Variants in MYO5B observed in about 807,000 individuals in gnomAD.
MYO5B encodes unconventional myosin-Vb.
Under a neutral mutation model 229.3 loss-of-function variants are expected in MYO5B, and 143 were observed. The ratio of observed to expected loss-of-function variants is 0.62; its 90% CI spans 0.54 to 0.72. The LOEUF is 0.72. Ranked by LOEUF, MYO5B falls within the 30% of genes least tolerant of loss-of-function variation. The pLI, the probability that MYO5B is intolerant of heterozygous loss-of-function variation, is 0.00. For synonymous variants in MYO5B, 918 were observed against 885.2 expected, an observed-to-expected ratio of 1.04 and a Z score of -0.66; for missense variants, 2,321 against 2,331.0, an observed-to-expected ratio of 1.00 and a Z score of 0.09.
At position 49,904,136 on chromosome 18, in the gene MYO5B, T is replaced by G. The variant is rs2024873615; in HGVS notation, c.2571+536A>C. Reference sequence around the variant, plus strand: ...TGCTGGGCCCCTTCAAAACTCATGTTGAAATCTGATCCCCTATGTTGGAGA... The same window carrying G: ...TGCTGGGCCCCTTCAAAACTCATGTGGAAATCTGATCCCCTATGTTGGAGA... On this transcript the variant is annotated intron_variant, in intron 20 of 39. Transcript: ENST00000285039. Among the ~76,000 whole-genome samples, 3 of 152,232 alleles carry G rather than the reference T, an allele frequency of 2.0e-5. No individual in the cohort carries two copies. In the South Asian group the frequency reaches 6.2e-4, roughly 32 times the overall value.
intron 14 of MYO5B, among the ~76,000 whole-genome samples, chr18:49,951,467 A>G (rs1321512071): frequency 6.6e-6 from 1 of 152,130 alleles, no homozygotes; most frequent in Non-Finnish European, 1.5e-5. Context: ...GGTTACCACT[A>G]TATACTACAC....
chr18:50,090,282 G>C (rs1379433989), intron 1 of MYO5B, among the ~76,000 whole-genome samples: 1 of 148,698 alleles, frequency 6.7e-6, no homozygotes, highest in African/African-American at 2.5e-5. Flanking sequence ...GGTTGAGGTT[G>C]CAGTGAACCA....
intron 29 of MYO5B, among the ~76,000 whole-genome samples, chr18:49,858,642 A>G (rs1395197739): frequency 6.6e-6 from 1 of 152,234 alleles, no homozygotes; most frequent in Admixed American, 6.5e-5. Flanking sequence ...GACTCACACA[A>G]GGAAGTTAGG....
At chr18:49,963,421 T>C (rs1345627332) in intron 10 of MYO5B, among the ~76,000 whole-genome samples, 1 of 147,312 alleles carries the variant, frequency 6.8e-6, no homozygotes, top group East Asian at 1.9e-4. Context: ...AATTAATTTA[T>C]TTATTTATTT....
intron 38 of MYO5B, among the ~76,000 whole-genome samples, chr18:49,836,440 G>A (rs1474115663): frequency 1.3e-5 from 2 of 152,142 alleles, no homozygotes; most frequent in East Asian, 3.8e-4. Flanking sequence ...TAAACTTAAC[G>A]TTTTGTGAGT....
At chr18:50,037,824 C>A (rs1454104005) in intron 3 of MYO5B, among the ~76,000 whole-genome samples, 1 of 152,044 alleles carries the variant, frequency 6.6e-6, no homozygotes, top group Non-Finnish European at 1.5e-5. Flanking sequence ...CCCAAGAGTT[C>A]AAGGCTGCAG....
At chr18:49,930,800 A>G (rs374990018) in intron 16 of MYO5B, among the ~76,000 whole-genome samples, 21 of 151,888 alleles carry the variant, frequency 1.4e-4, no homozygotes, top group African/African-American at 3.9e-4. Flanking sequence ...GCTGAGGCAG[A>G]AGAATGGCAT....
chr18:50,152,245 G>A (rs980480405), intron 1 of MYO5B, among the ~76,000 whole-genome samples: 3 of 152,200 alleles, frequency 2.0e-5, no homozygotes, highest in Admixed American at 1.3e-4. Flanking sequence ...AAAGCCACCT[G>A]CCTAATCACA....
chr18:49,879,122 C>G, intron 23 of MYO5B, 32 bp from the exon 24 acceptor site: 2 of 1,613,982 alleles, frequency 1.2e-6, no homozygotes, highest in Non-Finnish European at 8.5e-7. Flanking sequence ...TGCAGTTTTT[C>G]TGGATGGATT....
rs7232712 is a variant in MYO5B, at chr18:49,861,678, T to C, written c.3944+1549A>G. On this transcript the variant is annotated intron_variant, in intron 29 of 39. Transcript: ENST00000285039. ...TCAGTGGCTGGAAACTGCCCCAGCC[T>C]GAGTCAGGCCTTCCGGATTCTACCT... is the stretch of plus-strand genomic sequence containing the variant. Among the ~76,000 whole-genome samples the C allele has an allele frequency of 8.6e-3, 1,272 of 148,194 alleles. 12 individuals are homozygous for C. The highest frequency in any genetic ancestry group is 0.028 in the African/African-American group (1,176 of 41,460).
At chr18:49,945,224 C>G (rs1453607860) in intron 14 of MYO5B, among the ~76,000 whole-genome samples, 2 of 152,158 alleles carry the variant, frequency 1.3e-5, no homozygotes, top group Non-Finnish European at 2.9e-5. Flanking sequence ...CTCCAACCAT[C>G]CCTCCCAGAT....
intron 14 of MYO5B, among the ~76,000 whole-genome samples, chr18:49,944,412 C>A (rs1326960870): frequency 6.6e-6 from 1 of 152,114 alleles, no homozygotes; most frequent in Non-Finnish European, 1.5e-5. Flanking sequence ...GCCCACTGCA[C>A]ATGAAGCCCT....
At chr18:49,852,351 C>T (rs948378107) in intron 31 of MYO5B, among the ~76,000 whole-genome samples, 1 of 152,212 alleles carries the variant, frequency 6.6e-6, no homozygotes, top group Admixed American at 6.5e-5. Context: ...GTTTCTTTAA[C>T]ATGGTGCATT....
At chr18:50,100,892 C>T (rs1017901032) in intron 1 of MYO5B, among the ~76,000 whole-genome samples, 4 of 152,224 alleles carry the variant, frequency 2.6e-5, no homozygotes, top group Admixed American at 2.0e-4. Context: ...GTTTCCCACC[C>T]AGAACTCTGC....
intron 9 of MYO5B, among the ~76,000 whole-genome samples, 183 bp from the exon 10 acceptor site, chr18:49,974,798 G>GACACACAC (rs10680505): frequency 0.015 from 2,028 of 131,052 alleles, 81 homozygotes; most frequent in African/African-American, 0.036. Flanking sequence ...CACACACACA[G>GACACACAC]ACACACACAC....
At chr18:49,901,937 C>T (rs2024846221) in intron 21 of MYO5B, among the ~76,000 whole-genome samples, 1 of 152,198 alleles carries the variant, frequency 6.6e-6, no homozygotes, top group African/African-American at 2.4e-5. Context: ...AAAGCGCCAG[C>T]CCCATACCCC....
At position 49,837,818 on chromosome 18, in the gene MYO5B, A is replaced by G; in HGVS notation, c.4853-16T>C. 1 of 1,613,722 alleles carries G rather than the reference A, an allele frequency of 6.2e-7. No homozygotes were observed. The highest frequency in any genetic ancestry group is 8.5e-7 in the Non-Finnish European group (1 of 1,179,996). ...ATGGCAGAAACTGAAATAAAAGCACAGTTAGAGAAGCTTGCATTCCCCACT... is the reference window on the plus strand; with the variant it reads ...ATGGCAGAAACTGAAATAAAAGCACGGTTAGAGAAGCTTGCATTCCCCACT... On this transcript the variant is annotated splice_polypyrimidine_tract_variant and intron_variant, in intron 36 of 39. Coordinates refer to ENST00000285039, the MANE Select transcript of MYO5B (RefSeq NM_001080467.3).
intron 1 of MYO5B, among the ~76,000 whole-genome samples, chr18:50,193,248 A>G (rs1234233539): frequency 2.0e-5 from 3 of 152,208 alleles, no homozygotes; most frequent in African/African-American, 4.8e-5. Context: ...CAGGACTGTC[A>G]CAGAGTTCAC....
At chr18:50,078,806 T>TC (rs2031147781) in intron 1 of MYO5B, among the ~76,000 whole-genome samples, 1 of 141,180 alleles carries the variant, frequency 7.1e-6, no homozygotes, top group African/African-American at 3.2e-5. Flanking sequence ...GCCCAGCAGC[T>TC]TTTTTTTGTA....
Sources: gnomAD v4.1 joint callset for allele counts (sites outside exome capture counted in the v4.1 genomes callset) on GRCh38, gnomAD v4.1.1 for gene constraint, MANE v1.5 for transcripts, NCBI Gene and HGNC (gene_info 2026-07-23, HGNC 2026-07-21) for gene names.